The following ZFHX3 variants were observed in gnomAD, a reference collection of about 807,000 sequenced individuals.
ZFHX3 encodes zinc finger homeobox 3, also known as zinc finger homeobox protein 3.
In ZFHX3, 42 loss-of-function variants were observed where a neutral mutation model predicts 279.1. The observed-to-expected ratio is 0.15, with a 90% confidence interval of 0.12 to 0.19. The LOEUF (loss-of-function observed/expected upper bound fraction) is 0.19. ZFHX3 is among the 10% of genes least tolerant of loss of function. The probability of loss-of-function intolerance (pLI) is 1.00; values close to 1 mark genes in which losing one functional copy is unlikely to be tolerated. For synonymous variants in ZFHX3, 2,293 were observed against 1,957.8 expected (o/e 1.17, Z -4.52); for missense variants, 4,981 against 4,754.0 (o/e 1.05, Z -1.40).
chr16:72,993,771 G>T (rs1489404461), intron 1 of ZFHX3, among the ~76,000 whole-genome samples: 1 of 152,122 alleles, frequency 6.6e-6, no homozygotes, highest in African/African-American at 2.4e-5. Flanking sequence ...AGTTCAGGGG[G>T]CATGGTAGCT....
At chr16:73,571,071 C>A (rs1296816974) in intron 2 of ZFHX3, among the ~76,000 whole-genome samples, 3 of 102,348 alleles carry the variant, frequency 2.9e-5, no homozygotes, top group African/African-American at 1.5e-4. Context: ...GAATAATTTT[C>A]TCTAATCTAA....
Position 72,787,053 on chromosome 16 carries a change from T to G in ZFHX3, c.*111A>C, listed in dbSNP as rs940922324. The G allele has an allele frequency of 6.5e-6, 7 of 1,069,454 alleles. No individual in the cohort carries two copies. Among genetic ancestry groups the G allele is most frequent in the South Asian group, 4.0e-5 (1 of 24,804 alleles). The allele number at this position is 1,069,454 out of a possible 1,614,324, so 66.2% of individuals were successfully genotyped here. A position where few individuals can be genotyped will look rare whatever the true frequency, so the allele number is the denominator to read the frequency against. The stretch of plus-strand genomic sequence containing the variant: ...TTCTTTTTTTTCTTTTTTTTTTTTT[T>G]TTTGTTTTTTGGTTAGAAGCTTTGG... On this transcript the variant is annotated 3_prime_UTR_variant, in exon 10 of 10. Transcript: ENST00000268489.
At chr16:73,155,695 C>T (rs998236564) in intron 5 of ZFHX3, among the ~76,000 whole-genome samples, 13 of 152,038 alleles carry the variant, frequency 8.6e-5, no homozygotes, top group Non-Finnish European at 1.6e-4. Flanking sequence ...TGGCGGCATG[C>T]GCATGTAACC....
chr16:73,834,305 C>T (rs1044341556), intron 1 of ZFHX3, among the ~76,000 whole-genome samples: 1 of 152,154 alleles, frequency 6.6e-6, no homozygotes, highest in African/African-American at 2.4e-5. Context: ...GTAAGAGCAA[C>T]AGATGAAGGA....
rs1310350694 is a variant in ZFHX3, at chr16:73,504,555, G to A, written c.-1546-48297C>T. The A allele has an allele frequency of 3.9e-5, 6 of 152,286 alleles. No individual in the cohort carries two copies. The East Asian group carries it at 1.2e-3, about 29-fold the overall frequency. The allele number at this position is 152,286 out of a possible 1,614,324, so 9.4% of individuals were successfully genotyped here. A position where few individuals can be genotyped will look rare whatever the true frequency, so the allele number is the denominator to read the frequency against. On this transcript the variant is annotated intron_variant, in intron 2 of 17. Transcript: ENST00000641206. Reference sequence around the variant, plus strand: ...GGGAAGAGGGAGGAAGGAAAGAGAAGGGAAATAAAGAGAGATGACACAAGG... The same window carrying A: ...GGGAAGAGGGAGGAAGGAAAGAGAAAGGAAATAAAGAGAGATGACACAAGG...
chr16:73,030,220 C>T (rs961704514), intron 1 of ZFHX3, among the ~76,000 whole-genome samples: 1 of 152,194 alleles, frequency 6.6e-6, no homozygotes, highest in Non-Finnish European at 1.5e-5. Context: ...CCTGGAGACT[C>T]GCTATAAAAT....
chr16:72,997,990 G>A (rs62053229), intron 1 of ZFHX3, among the ~76,000 whole-genome samples: 23,008 of 152,098 alleles, frequency 0.15, 2,165 homozygotes, highest in South Asian at 0.21. Context: ...GCTGGGATAG[G>A]AGAATTGCTT....
At chr16:73,363,392 A>T (rs973388442) in intron 3 of ZFHX3, among the ~76,000 whole-genome samples, 1 of 152,210 alleles carries the variant, frequency 6.6e-6, no homozygotes, top group South Asian at 2.1e-4. Context: ...AGCCGACATC[A>T]TTTCAATACT....
chr16:72,887,772 G>A (rs574532539), intron 4 of ZFHX3, among the ~76,000 whole-genome samples: 65 of 151,710 alleles, frequency 4.3e-4, no homozygotes, highest in African/African-American at 1.6e-3. Flanking sequence ...AGTGTATACA[G>A]GGGGTGTGTG....
intron 7 of ZFHX3, among the ~76,000 whole-genome samples, chr16:73,124,520 G>A (rs1351981926): frequency 6.6e-6 from 1 of 152,176 alleles, no homozygotes; most frequent in African/African-American, 2.4e-5. Flanking sequence ...GGGCTTTGGA[G>A]CCAGGCAGGT....
At chr16:73,030,411 A>T (rs2144674279) in intron 1 of ZFHX3, among the ~76,000 whole-genome samples, 1 of 152,332 alleles carries the variant, frequency 6.6e-6, no homozygotes, top group African/African-American at 2.4e-5. Context: ...GACCACAAAA[A>T]GGTTAGAAGG....
rs1218155678 is a variant in ZFHX3, at chr16:72,785,872, A to T, written c.*1292T>A. 2 of 152,254 alleles carry T rather than the reference A, an allele frequency of 1.3e-5. No individual in the cohort carries two copies. Among genetic ancestry groups the T allele is most frequent in the African/African-American group, 2.4e-5 (1 of 41,478 alleles). 9.4% of individuals were successfully genotyped at this position (152,254 alleles called of 1,614,324 possible). A position where few individuals can be genotyped will look rare whatever the true frequency, so the allele number is the denominator to read the frequency against. On this transcript the variant is annotated 3_prime_UTR_variant, in exon 10 of 10. Coordinates refer to ENST00000268489, the MANE Select transcript of ZFHX3 (RefSeq NM_006885.4). The stretch of plus-strand genomic sequence containing the variant: ...TAAAAAATAAATGCACAAAGCTAAC[A>T]GACACAGGTAACTAGAATTATATGC...
intron 5 of ZFHX3, among the ~76,000 whole-genome samples, chr16:73,173,919 T>C (rs1411336747): frequency 1.3e-5 from 2 of 152,146 alleles, no homozygotes; most frequent in Non-Finnish European, 2.9e-5. Flanking sequence ...GGGAATGGTG[T>C]TGGGGTGGAA....
intron 7 of ZFHX3, among the ~76,000 whole-genome samples, chr16:73,102,608 C>G (rs936510372): frequency 6.6e-6 from 1 of 152,164 alleles, no homozygotes; most frequent in African/African-American, 2.4e-5. Flanking sequence ...GCCTTTCTGT[C>G]CTTGGTATTG....
rs78719469 is a variant in ZFHX3 at position 72,946,712 on chromosome 16, G to A, written c.3216+3757C>T. The stretch of plus-strand genomic sequence containing the variant: ...CTCAGACGCAGGCTGTACACTAGCC[G>A]TGGGAGAGGGCAGAGGGCAAGCATG... On this transcript the variant is annotated intron_variant, in intron 3 of 9. Coordinates refer to ENST00000268489, the MANE Select transcript of ZFHX3 (RefSeq NM_006885.4). 1.6e-3 allele frequency among the ~76,000 whole-genome samples: 246 copies of A among 152,332 alleles called. 1 individual carries two copies. Among genetic ancestry groups the A allele is most frequent in the African/African-American group, 5.7e-3 (236 of 41,568 alleles).
chr16:72,923,897 T>C lies in ZFHX3; in HGVS notation c.3216+26572A>G, dbSNP rs779768060. Among the ~76,000 whole-genome samples, 35 of 152,212 alleles carry C rather than the reference T, an allele frequency of 2.3e-4. 1 individual carries two copies. The highest frequency in any genetic ancestry group is 4.3e-4 in the Non-Finnish European group (29 of 68,046). On this transcript the variant is annotated intron_variant, in intron 3 of 9. Transcript: ENST00000268489. ...GTTCAAGACGCGGCTACTGGGCAGGTCCACGTCTTTAAGTTGTGTACAATG... is the reference window on the plus strand; with the variant it reads ...GTTCAAGACGCGGCTACTGGGCAGGCCCACGTCTTTAAGTTGTGTACAATG...
At position 72,794,460 on chromosome 16, in the gene ZFHX3, G is replaced by T. The variant is rs1165213811; in HGVS notation, c.8222C>A (p.Ala2741Asp). The change falls in exon 9 of 10, where the codon GCT becomes GAT. Residue 2741 changes from alanine (A) to aspartate (D), a missense_variant. This residue lies in a region of ZFHX3 where 744 missense variants were observed against 701.3 expected (regional missense o/e 1.06). Transcript: ENST00000268489. The surrounding 1 kb of genome is among the most constrained non-coding windows in gnomAD (Gnocchi z 4.2). ...CGCAGACAGAGTTAGGTTGTAGCCA[G>T]CTCTCTTGGCTTCATGCCAGTGACG... Reference protein sequence around the residue: ...RSRHWHEAKRAGYNLTLSAML... With the variant: ...RSRHWHEAKRDGYNLTLSAML... 4.3e-6 allele frequency: 7 copies of T among 1,614,050 alleles called. No homozygotes were observed. Among genetic ancestry groups the T allele is most frequent in the Non-Finnish European group, 5.1e-6 (6 of 1,180,038 alleles).
intron 2 of ZFHX3, among the ~76,000 whole-genome samples, chr16:73,488,703 C>A (rs1166462851): frequency 6.6e-6 from 1 of 152,136 alleles, no homozygotes. Context: ...ACAAGATGTA[C>A]AAAATCCAGC....
intron 2 of ZFHX3, among the ~76,000 whole-genome samples, chr16:73,631,069 G>A (rs1488851972): frequency 1.3e-5 from 2 of 152,178 alleles, no homozygotes; most frequent in Non-Finnish European, 2.9e-5. Flanking sequence ...GAAACCACAG[G>A]CCTGATTCCT....
Sources: allele counts gnomAD v4.1 joint callset (sites outside exome capture counted in the v4.1 genomes callset), GRCh38; gene constraint gnomAD v4.1.1; regional missense constraint gnomAD v4.1.1; non-coding constraint Gnocchi (gnomAD v3.1); transcripts MANE v1.5; gene names NCBI Gene and HGNC (gene_info 2026-07-23, HGNC 2026-07-21).